Variants in TMPRSS4 observed in about 807,000 individuals in gnomAD.
TMPRSS4 encodes the protein transmembrane protease serine 4.
TMPRSS4 carries 45 observed loss-of-function variants against 56.4 expected under a neutral mutation model. That is an observed-to-expected ratio of 0.80 (90% confidence interval 0.63 to 1.02). The LOEUF (loss-of-function observed/expected upper bound fraction) is 1.02. Among genes scored for constraint, TMPRSS4 ranks in the 50% least tolerant of loss-of-function variants. TMPRSS4 has a pLI of 0.00. For missense variants in TMPRSS4, 546 were observed against 556.7 expected (o/e 0.98, Z 0.19); for synonymous variants, 205 against 211.0 (o/e 0.97, Z 0.25).
intron 1 of TMPRSS4, 74 bp downstream of exon 1, chr11:118,077,379 G>A: frequency 2.0e-6 from 3 of 1,491,762 alleles, no homozygotes; most frequent in Non-Finnish European, 2.7e-6. Context: ...CAAGCAGCCT[G>A]AGCATCCATC....
In TMPRSS4 at chr11:118,108,845, C is replaced by T. The variant is rs748123561; in HGVS notation, c.543-11C>T. 2 of 1,614,096 alleles carry T rather than the reference C, an allele frequency of 1.2e-6. No individual in the cohort carries two copies. The highest frequency in any genetic ancestry group is 2.2e-5 in the South Asian group (2 of 91,066). ...AAGCTTAAATCACAGGGCGCTGTGT[C>T]TGTCTTCCAGGCCCTGTCTCTCAGG... On this transcript the variant is annotated splice_polypyrimidine_tract_variant and intron_variant, in intron 6 of 12. Coordinates refer to ENST00000437212, the MANE Select transcript of TMPRSS4 (RefSeq NM_019894.4).
chr11:118,113,636 C>T (rs769380812), intron 9 of TMPRSS4, among the ~76,000 whole-genome samples: 8 of 152,222 alleles, frequency 5.3e-5, no homozygotes, highest in Non-Finnish European at 8.8e-5. Context: ...CACTCCATTC[C>T]CTGCCAGAGA....
At position 118,118,084 on chromosome 11, in the gene TMPRSS4, AGCCCAGAGGC is replaced by A. The variant is rs2135473072; in HGVS notation, c.*181_*190del. 1 of 1,455,454 alleles carries A rather than the reference AGCCCAGAGGC, an allele frequency of 6.9e-7. No homozygotes were observed. Among genetic ancestry groups the A allele is most frequent in the African/African-American group, 1.4e-5 (1 of 70,090 alleles). The allele number at this position is 1,455,454 out of a possible 1,614,324, so 90.2% of individuals were successfully genotyped here. A position where few individuals can be genotyped will look rare whatever the true frequency, so the allele number is the denominator to read the frequency against. ...CTCAATTCCTATAAGAGACCCTCGCAGCCCAGAGGCGCCCAGAGGAAGTCAGCAGCCCTAG... is the reference window on the plus strand; with the variant it reads ...CTCAATTCCTATAAGAGACCCTCGCAGCCCAGAGGAAGTCAGCAGCCCTAG... On this transcript the variant is annotated 3_prime_UTR_variant, in exon 13 of 13. Transcript: ENST00000437212.
intron 11 of TMPRSS4, among the ~76,000 whole-genome samples, chr11:118,116,131 T>C (rs1320521856): frequency 6.6e-6 from 1 of 152,220 alleles, no homozygotes; most frequent in Non-Finnish European, 1.5e-5. Context: ...TCTTTTATGT[T>C]TTTTAACAGA....
At chr11:118,095,782 A>C (rs1946252342) in intron 2 of TMPRSS4, among the ~76,000 whole-genome samples, 1 of 152,206 alleles carries the variant, frequency 6.6e-6, no homozygotes, top group African/African-American at 2.4e-5. Flanking sequence ...TGAAAGATAT[A>C]ATCCAGATGT....
intron 8 of TMPRSS4, 94 bp downstream of exon 8, chr11:118,111,994 C>T (rs1205389378): frequency 1.3e-5 from 19 of 1,501,974 alleles, no homozygotes; most frequent in African/African-American, 2.9e-5. Context: ...TCCTTCTCTT[C>T]ACTCTCCCAC....
downstream of TMPRSS4, among the ~76,000 whole-genome samples, chr11:118,123,917 T>C (rs1947844773): frequency 6.6e-6 from 1 of 152,130 alleles, no homozygotes; most frequent in Non-Finnish European, 1.5e-5. Context: ...CAAAAGGCAT[T>C]TGGGCAAAGG....
chr11:118,111,913 C>A lies in TMPRSS4; in HGVS notation c.743+13C>A, dbSNP rs765957954. ...CCCACTGCTTCAGGTAAGACCCCAG[C>A]TGTAAGGAGGTCTCTGGGGACCAAG... On this transcript the variant is annotated intron_variant, in intron 8 of 12. Transcript: ENST00000437212. 48 of 1,602,364 alleles carry A rather than the reference C, an allele frequency of 3.0e-5. No individual in the cohort carries two copies. The highest frequency in any genetic ancestry group is 3.7e-5 in the Non-Finnish European group (43 of 1,174,946).
rs1358933589 is a variant in TMPRSS4 at position 118,120,334 on chromosome 11, A to G, written c.*2421A>G. On this transcript the variant is annotated 3_prime_UTR_variant, in exon 13 of 13. Transcript: ENST00000437212. ...CAATTCTCTTGGGTATATTCCCAGA[A>G]GTGGAATTGCTGGATCATATGGTAA... 1 of 152,190 alleles carries G rather than the reference A, an allele frequency of 6.6e-6. No homozygotes were observed. The highest frequency in any genetic ancestry group is 2.4e-5 in the African/African-American group (1 of 41,440). 9.4% of individuals were successfully genotyped at this position (152,190 alleles called of 1,614,324 possible).
chr11:118,125,127 G>A (rs988844378), downstream of TMPRSS4, among the ~76,000 whole-genome samples: 2 of 152,226 alleles, frequency 1.3e-5, no homozygotes, highest in African/African-American at 4.8e-5. Flanking sequence ...AGCAGCCCCA[G>A]CTCTCAGACT....
rs1180391255 is a variant in TMPRSS4 at position 118,099,461 on chromosome 11, A to AAGAG, written c.157+366_157+367insGAGA. On this transcript the variant is annotated intron_variant, in intron 3 of 12. Coordinates refer to ENST00000437212, the MANE Select transcript of TMPRSS4 (RefSeq NM_019894.4). ...AAAAGAAAGAAGAGAGAAAGAGAGA[A>AAGAG]AGAAAGAAAGAAAGAAAGAAAAAGA... 9.3e-4 allele frequency among the ~76,000 whole-genome samples: 20 copies of AAGAG among 21,538 alleles called. No individual in the cohort carries two copies. In the South Asian group the frequency reaches 0.023, roughly 25 times the overall value. The allele number at this position is 21,538 out of a possible 152,430, so 14.1% of individuals were successfully genotyped here.
chr11:118,083,604 T>C (rs906262392), intron 1 of TMPRSS4, among the ~76,000 whole-genome samples: 10 of 152,230 alleles, frequency 6.6e-5, no homozygotes, highest in African/African-American at 2.4e-4. Context: ...AGTTCTATTT[T>C]AATATTGTTA....
downstream of TMPRSS4, among the ~76,000 whole-genome samples, chr11:118,123,213 A>T (rs1160895881): frequency 6.6e-6 from 1 of 152,128 alleles, no homozygotes; most frequent in Non-Finnish European, 1.5e-5. Context: ...TAACTTCAAA[A>T]TGAAGGGATC....
rs1305418272 is a variant in TMPRSS4, at chr11:118,115,216, AGGGGGAAGTCACC to A, written c.1090_1102del (p.Gly364ArgfsTer3). 2.5e-6 allele frequency: 4 copies of A among 1,613,050 alleles called. No individual in the cohort carries two copies. Among genetic ancestry groups the A allele is most frequent in the Middle Eastern group, 3.3e-4 (2 of 6,060 alleles). ...CGGTGCAATGCAGACGATGCGTACC[AGGGGGAAGTCACC>A]GAGAAGATGATGTGTGCAGGCATCC... On this transcript the variant is annotated frameshift_variant, in exon 11 of 13. Transcript: ENST00000437212. LOFTEE classifies it high-confidence loss of function.
At chr11:118,097,674 T>C (rs895807951) in intron 2 of TMPRSS4, among the ~76,000 whole-genome samples, 2 of 152,174 alleles carry the variant, frequency 1.3e-5, no homozygotes, top group African/African-American at 4.8e-5. Flanking sequence ...ATGTAGTTAT[T>C]ATCACCTCTG....
chr11:118,125,442 C>G, downstream of TMPRSS4: 1 of 440,796 alleles, frequency 2.3e-6, no homozygotes, highest in Non-Finnish European at 4.6e-6. Context: ...TGCCTTACAG[C>G]CCCTGTCCCC....
rs1203577649 is a variant in TMPRSS4, at chr11:118,112,361, A to T, written c.743+461A>T. 7.8e-5 allele frequency among the ~76,000 whole-genome samples: 9 copies of T among 115,476 alleles called. No homozygotes were observed. In the East Asian group the frequency reaches 1.2e-3, roughly 15 times the overall value. The allele number at this position is 115,476 out of a possible 152,430, so 75.8% of individuals were successfully genotyped here. On this transcript the variant is annotated intron_variant, in intron 8 of 12. Transcript: ENST00000437212. ...CCTGGCCTTACCTCAGGGAAGGGCT[A>T]CTCCCAGACCCCCTTCACTTTTTTT...
At position 118,114,833 on chromosome 11, in the gene TMPRSS4, A is replaced by T. The variant is rs374261628; in HGVS notation, c.915A>T (p.Thr305=). 3 of 1,604,872 alleles carry T rather than the reference A, an allele frequency of 1.9e-6. No individual in the cohort carries two copies. The African/African-American group carries it at 4.0e-5, about 21-fold the overall frequency. Residue 305 remains threonine (T), a synonymous_variant, in exon 10 of 13, where the codon ACA becomes ACT. Transcript: ENST00000437212. The stretch of plus-strand genomic sequence containing the variant: ...CTTCCTCTGTGCTCCTGGCAGGCAC[A>T]GTCAGGCCCATCTGTCTGCCCTTCT... The part of the protein sequence containing the change: ...KLQFPLTFSG[T]VRPICLPFFD...
At chr11:118,123,586 C>T (rs532644516), downstream of TMPRSS4, among the ~76,000 whole-genome samples, 1 of 152,222 alleles carries the variant, frequency 6.6e-6, no homozygotes, top group African/African-American at 2.4e-5. Context: ...GCAGTGGCAC[C>T]ATCTCGGCTC....
Sources: gnomAD v4.1 joint callset for allele counts (sites outside exome capture counted in the v4.1 genomes callset) on GRCh38, gnomAD v4.1.1 for gene constraint, MANE v1.5 for transcripts, NCBI Gene and HGNC (gene_info 2026-07-23, HGNC 2026-07-21) for gene names.